Variants in COL19A1 observed in about 807,000 individuals in gnomAD.
COL19A1 encodes the protein collagen alpha-1(XIX) chain.
Under a neutral mutation model 190.2 loss-of-function variants are expected in COL19A1, and 159 were observed. That is an observed-to-expected ratio of 0.84 (90% CI 0.73 to 0.95). The LOEUF (loss-of-function observed/expected upper bound fraction) is 0.95, where lower values mean the gene tolerates loss of function less well. Among genes scored for constraint, COL19A1 ranks in the 40% least tolerant of loss-of-function variants. The pLI is 0.00. For synonymous variants in COL19A1, 509 were observed against 458.9 expected, an observed-to-expected ratio of 1.11 and a Z score of -1.39; for missense variants, 1,418 against 1,431.9, an observed-to-expected ratio of 0.99 and a Z score of 0.16.
intron 11 of COL19A1, among the ~76,000 whole-genome samples, chr6:70,019,558 G>C (rs1432895344): frequency 6.6e-6 from 1 of 152,056 alleles, no homozygotes; most frequent in Non-Finnish European, 1.5e-5. Flanking sequence ...TTAAATTCTG[G>C]TACTTTTTGA....
At chr6:70,127,700 A>G (rs1198511169) in intron 17 of COL19A1, among the ~76,000 whole-genome samples, 1 of 152,200 alleles carries the variant, frequency 6.6e-6, no homozygotes, top group Non-Finnish European at 1.5e-5. Flanking sequence ...GGCAGACATC[A>G]GAAGAGTTTG....
intron 6 of COL19A1, among the ~76,000 whole-genome samples, chr6:69,932,319 G>A (rs930028094): frequency 6.6e-6 from 1 of 151,878 alleles, no homozygotes; most frequent in Non-Finnish European, 1.5e-5. Context: ...TTTTTTCCTT[G>A]TTGGTAAGTG....
At chr6:69,932,368 A>G (rs1772813619) in intron 6 of COL19A1, among the ~76,000 whole-genome samples, 1 of 152,042 alleles carries the variant, frequency 6.6e-6, no homozygotes, top group Non-Finnish European at 1.5e-5. Flanking sequence ...GTCTGGAAGT[A>G]CAAATAAAGC....
intron 14 of COL19A1, among the ~76,000 whole-genome samples, chr6:70,052,825 T>A (rs1249197092): frequency 6.6e-6 from 1 of 152,180 alleles, no homozygotes; most frequent in Non-Finnish European, 1.5e-5. Context: ...AGATAGAGTT[T>A]GGGGGTCAGA....
chr6:69,997,012 T>C lies in COL19A1; in HGVS notation c.1027-26615T>C, dbSNP rs1164203076. On this transcript the variant is annotated intron_variant, in intron 11 of 50. Coordinates refer to ENST00000620364, the MANE Select transcript of COL19A1 (RefSeq NM_001858.6). The stretch of plus-strand genomic sequence containing the variant: ...ACGTATGTGTGTGTGTGTTTATATA[T>C]ACATATATATATATAGAGAGAGAGA... 7.3e-5 allele frequency among the ~76,000 whole-genome samples: 6 copies of C among 82,530 alleles called. No homozygotes were observed. The South Asian group carries it at 3.0e-3, about 41-fold the overall frequency. The allele number at this position is 82,530 out of a possible 152,430, so 54.1% of individuals were successfully genotyped here.
intron 46 of COL19A1, among the ~76,000 whole-genome samples, chr6:70,186,094 T>C (rs1221618610): frequency 3.9e-5 from 6 of 152,164 alleles, no homozygotes; most frequent in Non-Finnish European, 8.8e-5. Context: ...ATTGATCTTT[T>C]CTTGTCTGTA....
chr6:70,160,349 AAAACCAC>A (rs1287701921), intron 34 of COL19A1, among the ~76,000 whole-genome samples: 2 of 152,100 alleles, frequency 1.3e-5, no homozygotes, highest in Non-Finnish European at 2.9e-5. Flanking sequence ...CAGCATGGGG[AAAACCAC>A]CCCCATGATC....
In COL19A1 at chr6:70,199,684, G is replaced by A. The variant is rs1767429247; in HGVS notation, c.3171G>A (p.Gly1057=). ...CTGCCCAAGCTTATGGGAGACCTGG[G>A]CCACCAGGGAAGGATGGGTTGCCTG... ...MLAAQAYGRP[G]PPGKDGLPGP... The change falls in exon 49 of 51, where the codon GGG becomes GGA. Residue 1057 remains glycine, a synonymous_variant. Coordinates refer to ENST00000620364, the MANE Select transcript of COL19A1 (RefSeq NM_001858.6). The A allele has an allele frequency of 6.2e-7, 1 of 1,610,632 alleles. No homozygotes were observed. Among genetic ancestry groups the A allele is most frequent in the Non-Finnish European group, 8.5e-7 (1 of 1,178,012 alleles).
chr6:69,916,743 T>C (rs1393114937), intron 4 of COL19A1, among the ~76,000 whole-genome samples: 1 of 152,212 alleles, frequency 6.6e-6, no homozygotes, highest in Non-Finnish European at 1.5e-5. Flanking sequence ...TCCTTAATAC[T>C]TATGAAAATA....
At chr6:70,087,505 G>A (rs1234413638) in intron 15 of COL19A1, among the ~76,000 whole-genome samples, 1 of 151,968 alleles carries the variant, frequency 6.6e-6, no homozygotes, top group African/African-American at 2.4e-5. Context: ...GAAGATGAGA[G>A]GAGGTCAGAG....
At chr6:69,996,962 A>AGTATGTGTACATATAT (rs1385866982) in intron 11 of COL19A1, among the ~76,000 whole-genome samples, 5 of 150,676 alleles carry the variant, frequency 3.3e-5, no homozygotes, top group Non-Finnish European at 7.4e-5. Context: ...GTACATATAT[A>AGTATGTGTACATATAT]GTATGTGTAC....
intron 14 of COL19A1, among the ~76,000 whole-genome samples, chr6:70,051,764 G>T (rs891675042): frequency 6.6e-6 from 1 of 151,974 alleles, no homozygotes; most frequent in Non-Finnish European, 1.5e-5. Flanking sequence ...ATACTGTCTT[G>T]GTGTCTGGCA....
rs1464159 is a variant in COL19A1, at chr6:70,168,088, G to A, written c.2496+13G>A. 305,832 of 1,574,550 alleles carry A rather than the reference G, an allele frequency of 0.19. 32,751 individuals are homozygous for A. Among genetic ancestry groups the A allele is most frequent in the Non-Finnish European group, 0.21 (246,974 of 1,152,734 alleles). On this transcript the variant is annotated intron_variant, in intron 38 of 50. Transcript: ENST00000620364. ...ATATAAAATTAAGGTATTTATATTT[G>A]TAATTATTTAAAATCCAGTTATAGA...
chr6:70,164,687 G>A (rs552863437), intron 36 of COL19A1, among the ~76,000 whole-genome samples: 4 of 151,396 alleles, frequency 2.6e-5, no homozygotes, highest in African/African-American at 4.9e-5. Context: ...TAATTGTGCC[G>A]GGGGAAAAAA....
At chr6:69,868,014 G>A (rs1767584035) in intron 1 of COL19A1, among the ~76,000 whole-genome samples, 1 of 151,576 alleles carries the variant, frequency 6.6e-6, no homozygotes, top group South Asian at 2.1e-4. Flanking sequence ...GTCTGAGGAG[G>A]ATTAAGATGT....
intron 14 of COL19A1, among the ~76,000 whole-genome samples, chr6:70,057,779 T>C (rs1376641666): frequency 1.3e-5 from 2 of 152,088 alleles, no homozygotes; most frequent in Non-Finnish European, 2.9e-5. Context: ...TCAAGTAGGA[T>C]TTGTAGATGA....
At chr6:69,886,960 C>G (rs928943599) in intron 2 of COL19A1, among the ~76,000 whole-genome samples, 6 of 151,620 alleles carry the variant, frequency 4.0e-5, no homozygotes, top group African/African-American at 1.2e-4. Flanking sequence ...TATTTTTTTT[C>G]AGCTTTTCAC....
At chr6:69,971,735 T>A (rs181756091) in intron 11 of COL19A1, among the ~76,000 whole-genome samples, 14 of 152,324 alleles carry the variant, frequency 9.2e-5, no homozygotes, top group Admixed American at 8.5e-4. Context: ...TTTAACAATA[T>A]TCTGGAATTT....
In COL19A1 at chr6:70,156,238, A is replaced by T. The variant is rs1787427465; in HGVS notation, c.2184+7A>T. On this transcript the variant is annotated splice_region_variant and intron_variant, in intron 32 of 50. Transcript: ENST00000620364. Reference sequence around the variant, plus strand: ...TGATTCCATGGCCCGGAAGGTGAGAAGCCTGGCTGAATGTTTACGATCCCT... The same window carrying T: ...TGATTCCATGGCCCGGAAGGTGAGATGCCTGGCTGAATGTTTACGATCCCT... 3 of 1,613,170 alleles carry T rather than the reference A, an allele frequency of 1.9e-6. No individual in the cohort carries two copies. Among genetic ancestry groups the T allele is most frequent in the Non-Finnish European group, 2.5e-6 (3 of 1,179,554 alleles).
Sources: allele counts gnomAD v4.1 joint callset (sites outside exome capture counted in the v4.1 genomes callset), GRCh38; gene constraint gnomAD v4.1.1; transcripts MANE v1.5; gene names NCBI Gene and HGNC (gene_info 2026-07-23, HGNC 2026-07-21).